The following STAU2 variants were observed in gnomAD, a reference collection of about 807,000 sequenced individuals.
STAU2 encodes double-stranded RNA-binding protein Staufen homolog 2.
STAU2 carries 20 observed loss-of-function variants against 65.9 expected under a neutral mutation model. The ratio of observed to expected loss-of-function variants is 0.30; its 90% CI spans 0.21 to 0.44. The LOEUF (loss-of-function observed/expected upper bound fraction) is 0.44. Among genes scored for constraint, STAU2 ranks in the 20% least tolerant of loss-of-function variants. STAU2 has a pLI of 1.00. For synonymous variants in STAU2, 232 were observed against 233.9 expected (o/e 0.99, Z 0.07); for missense variants, 558 against 683.9 (o/e 0.82, Z 2.05).
intron 12 of STAU2, among the ~76,000 whole-genome samples, chr8:73,569,596 CCT>C (rs1808885253): frequency 1.3e-5 from 2 of 151,774 alleles, no homozygotes; most frequent in African/African-American, 4.8e-5. Context: ...GCTGGGTGCC[CCT>C]CTGAGACGAC....
At chr8:73,688,530 GTAGGTA>G in intron 5 of STAU2, 118 bp downstream of exon 5, 1 of 699,076 alleles carries the variant, frequency 1.4e-6, no homozygotes, top group Non-Finnish European at 2.4e-6. Context: ...GTGTGTGTGT[GTAGGTA>G]TGGGCATATG....
At chr8:73,484,956 TC>T in intron 13 of STAU2, among the ~76,000 whole-genome samples, 1 of 152,196 alleles carries the variant, frequency 6.6e-6, no homozygotes, top group Middle Eastern at 3.4e-3. Flanking sequence ...CAATTTTACA[TC>T]ATAATTACAC....
chr8:73,423,263 G>A (rs78036453), intron 13 of STAU2, among the ~76,000 whole-genome samples: 1,814 of 152,296 alleles, frequency 0.012, 35 homozygotes, highest in African/African-American at 0.041. Flanking sequence ...ATGTTCTGGG[G>A]AGGCAGGCCT....
rs995466849 is a variant in STAU2, at chr8:73,688,521, T to C, written c.274+133A>G. 28 of 759,160 alleles carry C rather than the reference T, an allele frequency of 3.7e-5. 2 individuals are homozygous for C. Among genetic ancestry groups the C allele is most frequent in the Middle Eastern group, 5.7e-4 (2 of 3,486 alleles). The allele number at this position is 759,160 out of a possible 1,614,324, so 47.0% of individuals were successfully genotyped here. A position where few individuals can be genotyped will look rare whatever the true frequency, so the allele number is the denominator to read the frequency against. ...GTGTGTGTGTGTGTGTGTGTGTGTG[T>C]GTGTGTGTGTAGGTATGGGCATATG... is the stretch of plus-strand genomic sequence containing the variant. On this transcript the variant is annotated intron_variant, in intron 5 of 14. Transcript: ENST00000524300.
Position 73,632,167 on chromosome 8 carries a change from T to A in STAU2, c.411-14716A>T, listed in dbSNP as rs117709323. On this transcript the variant is annotated intron_variant, in intron 6 of 14. Transcript: ENST00000524300. ...AAATATAGACGATTGAAAGCTGACATAAAGAACTGATTTGGATTTAGAAAA... is the reference window on the plus strand; with the variant it reads ...AAATATAGACGATTGAAAGCTGACAAAAAGAACTGATTTGGATTTAGAAAA... Among the ~76,000 whole-genome samples, 79 of 152,046 alleles carry A rather than the reference T, an allele frequency of 5.2e-4. 1 individual carries two copies. In the East Asian group the frequency reaches 0.015, roughly 29 times the overall value.
chr8:73,546,735 A>G (rs1392627238), intron 13 of STAU2, among the ~76,000 whole-genome samples: 2 of 152,194 alleles, frequency 1.3e-5, no homozygotes, highest in Non-Finnish European at 2.9e-5. Context: ...TGGGGAAAAA[A>G]AAATCTCCTT....
intron 11 of STAU2, 73 bp downstream of exon 11, chr8:73,595,093 G>T: frequency 7.7e-7 from 1 of 1,304,692 alleles, no homozygotes; most frequent in Middle Eastern, 2.8e-4. Flanking sequence ...TTTAATATCA[G>T]TTAAGATCAA....
intron 9 of STAU2, among the ~76,000 whole-genome samples, chr8:73,607,115 T>C (rs1178678346): frequency 6.6e-6 from 1 of 152,176 alleles, no homozygotes; most frequent in Non-Finnish European, 1.5e-5. Context: ...TATCAAACAG[T>C]GCACTTTAAA....
intron 4 of STAU2, among the ~76,000 whole-genome samples, chr8:73,692,489 C>T (rs546834031): frequency 6.6e-6 from 1 of 152,290 alleles, no homozygotes; most frequent in African/African-American, 2.4e-5. Flanking sequence ...AGCCACCACG[C>T]CGGCCCTCCT....
chr8:73,471,425 T>C (rs4266641), intron 13 of STAU2, among the ~76,000 whole-genome samples: 65,183 of 150,594 alleles, frequency 0.43, 14,328 homozygotes, highest in Non-Finnish European at 0.46. Context: ...TGGACTCAAG[T>C]GATCTGCCTA....
At chr8:73,465,066 G>A (rs1354012919) in intron 13 of STAU2, among the ~76,000 whole-genome samples, 1 of 152,152 alleles carries the variant, frequency 6.6e-6, no homozygotes, top group Non-Finnish European at 1.5e-5. Flanking sequence ...ACTTAATTTC[G>A]TTTTGAGTTT....
At chr8:73,424,601 T>C (rs746846173) in intron 13 of STAU2, among the ~76,000 whole-genome samples, 9 of 152,208 alleles carry the variant, frequency 5.9e-5, no homozygotes, top group Non-Finnish European at 8.8e-5. Flanking sequence ...AGTTTGTCCG[T>C]TCACTTATTG....
intron 4 of STAU2, among the ~76,000 whole-genome samples, chr8:73,700,281 C>G (rs1464026424): frequency 6.6e-6 from 1 of 152,072 alleles, no homozygotes; most frequent in East Asian, 1.9e-4. Context: ...TGCCCACTTT[C>G]ACCACTGTTA....
At chr8:73,708,867 C>G (rs1430397084) in intron 4 of STAU2, among the ~76,000 whole-genome samples, 165 bp downstream of exon 4, 1 of 152,088 alleles carries the variant, frequency 6.6e-6, no homozygotes, top group African/African-American at 2.4e-5. Context: ...CAGTGAGCTA[C>G]AAAATAGTTT....
chr8:73,571,683 T>C (rs1228693886), intron 12 of STAU2, among the ~76,000 whole-genome samples: 5 of 152,212 alleles, frequency 3.3e-5, no homozygotes, highest in Non-Finnish European at 5.9e-5. Flanking sequence ...GAAATAAAGA[T>C]GTTCTTTGAA....
intron 13 of STAU2, among the ~76,000 whole-genome samples, chr8:73,541,972 A>G (rs1394264157): frequency 6.6e-6 from 1 of 152,142 alleles, no homozygotes; most frequent in Non-Finnish European, 1.5e-5. Flanking sequence ...CACATGTGCA[A>G]CTGGAGCTCT....
chr8:73,639,279 C>T (rs1814781393), intron 6 of STAU2, among the ~76,000 whole-genome samples: 1 of 151,958 alleles, frequency 6.6e-6, no homozygotes, highest in African/African-American at 2.4e-5. Context: ...CCTACACTAA[C>T]AAAGGAAAAA....
chr8:73,439,011 G>A (rs1447725427), intron 13 of STAU2: 1 of 456,634 alleles, frequency 2.2e-6, no homozygotes, highest in East Asian at 6.9e-5. Context: ...TCTCCGTTTA[G>A]AAGACTGCAT....
intron 11 of STAU2, among the ~76,000 whole-genome samples, chr8:73,594,624 G>T (rs1811054707): frequency 6.6e-6 from 1 of 152,136 alleles, no homozygotes; most frequent in African/African-American, 2.4e-5. Context: ...AACAGATGTA[G>T]GTGTTAATGA....
Sources: gnomAD v4.1 joint callset for allele counts (sites outside exome capture counted in the v4.1 genomes callset) on GRCh38, gnomAD v4.1.1 for gene constraint, MANE v1.5 for transcripts, NCBI Gene and HGNC (gene_info 2026-07-23, HGNC 2026-07-21) for gene names.